Variants in C11orf65 observed in about 807,000 individuals in gnomAD.
C11orf65 encodes the protein protein MFI.
Under a neutral mutation model 35.3 loss-of-function variants are expected in C11orf65, and 38 were observed. The observed-to-expected ratio is 1.08, with a 90% confidence interval of 0.83 to 1.41. C11orf65 has a LOEUF of 1.41. Ranked by LOEUF, C11orf65 falls within the 40% of genes most tolerant of loss-of-function variation. The pLI is 0.00. For missense variants in C11orf65, 370 were observed against 367.1 expected, an observed-to-expected ratio of 1.01 and a Z score of -0.06; for synonymous variants, 105 against 114.4, an observed-to-expected ratio of 0.92 and a Z score of 0.53.
chr11:108,431,164 G>T (rs1281520345), intron 3 of C11orf65, among the ~76,000 whole-genome samples: 1 of 151,672 alleles, frequency 6.6e-6, no homozygotes, highest in Non-Finnish European at 1.5e-5. Flanking sequence ...TCCATTTCTA[G>T]GTGTAGTATA....
intron 2 of C11orf65, among the ~76,000 whole-genome samples, chr11:108,363,568 A>T (rs1027529731): frequency 3.9e-5 from 6 of 152,150 alleles, no homozygotes; most frequent in Non-Finnish European, 7.3e-5. Context: ...TAGTATTGGC[A>T]TCTACTGGGT....
At chr11:108,443,069 G>A (rs756879714) in intron 2 of C11orf65, among the ~76,000 whole-genome samples, 1 of 152,092 alleles carries the variant, frequency 6.6e-6, no homozygotes, top group African/African-American at 2.4e-5. Context: ...GTATTCAGGA[G>A]ACCCATCTCA....
chr11:108,321,175 G>A, intron 6 of C11orf65: 1 of 1,255,170 alleles, frequency 8.0e-7, no homozygotes, highest in South Asian at 1.3e-5. Context: ...ATTCACTGTT[G>A]CTTGTTAGTA....
At chr11:108,334,935 G>T (rs2136649489) in intron 3 of C11orf65, 1 of 1,594,586 alleles carries the variant, frequency 6.3e-7, no homozygotes, top group South Asian at 1.1e-5. Flanking sequence ...TAGTGTATCT[G>T]ACCTATTATC....
intron 3 of C11orf65, among the ~76,000 whole-genome samples, chr11:108,408,683 T>TAAAAAAATAAAA (rs1373369961): frequency 1.4e-5 from 1 of 72,832 alleles, no homozygotes; most frequent in African/African-American, 4.6e-5. Context: ...ATAAATAAAA[T>TAAAAAAATAAAA]AAAATAAAAT....
At chr11:108,403,753 T>G (rs2092485878) in intron 6 of C11orf65, among the ~76,000 whole-genome samples, 1 of 152,252 alleles carries the variant, frequency 6.6e-6, no homozygotes, top group Non-Finnish European at 1.5e-5. Context: ...AAAGACTATT[T>G]TTTCCCAATT....
chr11:108,370,698 A>G (rs1022241310), intron 2 of C11orf65, among the ~76,000 whole-genome samples: 4 of 149,026 alleles, frequency 2.7e-5, no homozygotes, highest in Admixed American at 6.7e-5. Flanking sequence ...GTGAGGTTTT[A>G]TTACAGATGG....
At chr11:108,317,615 T>TTATATATATATATATATATATA (rs376158749) in intron 6 of C11orf65, 3 of 211,242 alleles carry the variant, frequency 1.4e-5, no homozygotes, top group African/African-American at 4.6e-5. Flanking sequence ...AGGAGTTGTT[T>TTATATATATATATATATATATA]TATATATATA....
At chr11:108,340,906 T>A (rs2087479118) in intron 2 of C11orf65, among the ~76,000 whole-genome samples, 1 of 152,196 alleles carries the variant, frequency 6.6e-6, no homozygotes, top group South Asian at 2.1e-4. Flanking sequence ...GTTTTTAAAA[T>A]TTTTATTTTT....
intron 6 of C11orf65, among the ~76,000 whole-genome samples, chr11:108,317,174 A>G (rs551856021): frequency 6.6e-6 from 1 of 151,992 alleles, no homozygotes; most frequent in South Asian, 2.1e-4. Flanking sequence ...CCTGGGCTCA[A>G]GTGATCCTCC....
chr11:108,427,691 C>T (rs1469516194), intron 3 of C11orf65, among the ~76,000 whole-genome samples: 1 of 102,698 alleles, frequency 9.7e-6, no homozygotes, highest in African/African-American at 4.1e-5. Context: ...CACTGCACTC[C>T]AGCCTGGGCG....
chr11:108,451,963 C>A (rs951363159), intron 2 of C11orf65, among the ~76,000 whole-genome samples: 2 of 152,166 alleles, frequency 1.3e-5, no homozygotes, highest in Non-Finnish European at 2.9e-5. Flanking sequence ...AGGTAGAAAG[C>A]TGAAACTGGA....
At position 108,334,432 on chromosome 11, in the gene C11orf65, C is replaced by T. The variant is rs532765561; in HGVS notation, c.299+788G>A. ...TATGCATGATACACTTAGCTCTGTTCTAATATTCTTTTATTGCAAGAAATA... is the reference window on the plus strand; with the variant it reads ...TATGCATGATACACTTAGCTCTGTTTTAATATTCTTTTATTGCAAGAAATA... On this transcript the variant is annotated intron_variant, in intron 3 of 3. Transcript: ENST00000524755. Among the ~76,000 whole-genome samples the T allele has an allele frequency of 3.9e-5, 6 of 152,276 alleles. No homozygotes were observed. The South Asian group carries it at 1.2e-3, about 32-fold the overall frequency.
chr11:108,310,615 C>G (rs1565490754), intron 6 of C11orf65, among the ~76,000 whole-genome samples: 1 of 152,056 alleles, frequency 6.6e-6, no homozygotes, highest in East Asian at 1.9e-4. Context: ...GCATTGAGAA[C>G]TTAATTTAAG....
chr11:108,448,452 C>T (rs551910724), intron 2 of C11orf65, among the ~76,000 whole-genome samples: 15 of 152,342 alleles, frequency 9.8e-5, no homozygotes, highest in African/African-American at 3.6e-4. Context: ...AAGTGGGCTT[C>T]ATCCCTGGGA....
At chr11:108,321,556 G>A in intron 6 of C11orf65, 1 of 1,305,144 alleles carries the variant, frequency 7.7e-7, no homozygotes. Context: ...GCTGAAGTGG[G>A]TGGATCACTT....
intron 2 of C11orf65, among the ~76,000 whole-genome samples, chr11:108,375,945 A>G (rs1267240915): frequency 6.6e-6 from 1 of 152,242 alleles, no homozygotes; most frequent in African/African-American, 2.4e-5. Flanking sequence ...ACTATCCTAC[A>G]TATATATGCA....
At position 108,407,239 on chromosome 11, in the gene C11orf65, T is replaced by A. The variant is rs1039859311; in HGVS notation, c.175-90A>T. On this transcript the variant is annotated intron_variant, in intron 3 of 8. Coordinates refer to ENST00000393084, the MANE Select transcript of C11orf65 (RefSeq NM_152587.5). ...TTCTCACTCTATTATTTTAAATAATTGCTAAATATTGACTATTTAGGAAAT... is the reference window on the plus strand; with the variant it reads ...TTCTCACTCTATTATTTTAAATAATAGCTAAATATTGACTATTTAGGAAAT... 7 of 896,174 alleles carry A rather than the reference T, an allele frequency of 7.8e-6. No homozygotes were observed. In the East Asian group the frequency reaches 8.5e-5, roughly 11 times the overall value. 55.5% of individuals were successfully genotyped at this position (896,174 alleles called of 1,614,324 possible).
chr11:108,315,980 C>A, intron 6 of C11orf65: 1 of 1,611,170 alleles, frequency 6.2e-7, no homozygotes, highest in Non-Finnish European at 8.5e-7. Context: ...TGTGTAAAAC[C>A]CAAAGCTATT....
Sources: allele counts gnomAD v4.1 joint callset (sites outside exome capture counted in the v4.1 genomes callset), GRCh38; gene constraint gnomAD v4.1.1; transcripts MANE v1.5; gene names NCBI Gene and HGNC (gene_info 2026-07-23, HGNC 2026-07-21).